The following PRKG2 variants were observed in gnomAD, a reference collection of about 807,000 sequenced individuals.
The protein encoded by PRKG2 is protein kinase cGMP-dependent 2, also known as cGMP-dependent protein kinase 2.
A neutral mutation model predicts 97.2 loss-of-function variants in PRKG2; 33 were observed. The ratio of observed to expected loss-of-function variants is 0.34; its 90% confidence interval spans 0.26 to 0.45. The LOEUF is 0.45. PRKG2 is among the 20% of genes least tolerant of loss of function. The pLI, the probability that PRKG2 is intolerant of heterozygous loss-of-function variation, is 1.00. For synonymous variants in PRKG2, 330 were observed against 321.8 expected (o/e 1.03, Z -0.27); for missense variants, 638 against 900.0 (o/e 0.71, Z 3.73).
At chr4:81,160,814 G>A (rs1749541954) in intron 6 of PRKG2, among the ~76,000 whole-genome samples, 1 of 151,910 alleles carries the variant, frequency 6.6e-6, no homozygotes, top group Non-Finnish European at 1.5e-5. Flanking sequence ...TCTTGAGGAG[G>A]GAAAAGTAAT....
chr4:81,171,579 A>G lies in PRKG2; in HGVS notation c.742+112T>C, dbSNP rs550209010. 1.7e-5 allele frequency: 12 copies of G among 715,404 alleles called. No individual in the cohort carries two copies. The South Asian group carries it at 3.3e-4, about 20-fold the overall frequency. The allele number at this position is 715,404 out of a possible 1,614,324, so 44.3% of individuals were successfully genotyped here. ...GGCATAGCATTTCTATTATAAGAACATATAGGGTAAAATGGGAAACAGACT... is the reference window on the plus strand; with the variant it reads ...GGCATAGCATTTCTATTATAAGAACGTATAGGGTAAAATGGGAAACAGACT... On this transcript the variant is annotated intron_variant, in intron 4 of 18. Transcript: ENST00000264399.
At chr4:81,131,072 C>T (rs565758615) in intron 14 of PRKG2, among the ~76,000 whole-genome samples, 10 of 152,162 alleles carry the variant, frequency 6.6e-5, no homozygotes, top group Admixed American at 4.6e-4. Flanking sequence ...TCTGCCCAAA[C>T]GGCCACCCAG....
intron 14 of PRKG2, among the ~76,000 whole-genome samples, chr4:81,129,481 G>A (rs1030894787): frequency 1.3e-5 from 2 of 152,062 alleles, no homozygotes; most frequent in Admixed American, 6.6e-5. Flanking sequence ...TCTCTTTGTA[G>A]GTCTGTAAGA....
At position 81,087,799 on chromosome 4, in the gene PRKG2, G is replaced by T. The variant is rs554840879; in HGVS notation, c.*1909C>A. The T allele has an allele frequency of 6.6e-6, 1 of 152,040 alleles. No individual in the cohort carries two copies. Among genetic ancestry groups the T allele is most frequent in the Non-Finnish European group, 1.5e-5 (1 of 67,966 alleles). The allele number at this position is 152,040 out of a possible 1,614,324, so 9.4% of individuals were successfully genotyped here. A position where few individuals can be genotyped will look rare whatever the true frequency, so the allele number is the denominator to read the frequency against. ...GGAAACAATAAAAAATCACATGGGA[G>T]GATAACACATTGACATGGTCAATCA... On this transcript the variant is annotated 3_prime_UTR_variant, in exon 19 of 19. Transcript: ENST00000264399.
At chr4:81,137,083 A>G (rs931275644) in intron 13 of PRKG2, among the ~76,000 whole-genome samples, 3 of 144,730 alleles carry the variant, frequency 2.1e-5, no homozygotes, top group Admixed American at 1.4e-4. Flanking sequence ...TGCTTCTGCT[A>G]GGAGATTTGG....
rs78038236 is a variant in PRKG2 at position 81,191,123 on chromosome 4, T to TACAC, written c.461+13460_461+13463dup. 3.9e-5 allele frequency among the ~76,000 whole-genome samples: 6 copies of TACAC among 151,952 alleles called. No homozygotes were observed. The East Asian group carries it at 7.7e-4, about 20-fold the overall frequency. ...ATTATAAATCATTCTACTATAAAGA[T>TACAC]ACACACACACGTATGTTTATTGCAG... On this transcript the variant is annotated intron_variant, in intron 2 of 18. Transcript: ENST00000264399.
chr4:81,164,474 C>T (rs1422589504), intron 6 of PRKG2, among the ~76,000 whole-genome samples: 2 of 151,850 alleles, frequency 1.3e-5, no homozygotes, highest in African/African-American at 2.4e-5. Flanking sequence ...CTGGTTTATG[C>T]GAGTGTTGGT....
chr4:81,160,693 A>G (rs899028911), intron 6 of PRKG2, among the ~76,000 whole-genome samples: 2 of 152,180 alleles, frequency 1.3e-5, no homozygotes, highest in African/African-American at 4.8e-5. Context: ...TTTTATGTGT[A>G]AATTCTATTA....
chr4:81,121,206 T>C (rs755420455), intron 14 of PRKG2, among the ~76,000 whole-genome samples: 50 of 152,188 alleles, frequency 3.3e-4, no homozygotes, highest in Non-Finnish European at 6.3e-4. Flanking sequence ...AATATTTTGC[T>C]GGGAGCTTCT....
chr4:81,094,398 A>G (rs1160116585), intron 17 of PRKG2, among the ~76,000 whole-genome samples: 2 of 136,134 alleles, frequency 1.5e-5, no homozygotes, highest in African/African-American at 7.1e-5. Context: ...CTGATGCCAA[A>G]CTTTAGAAGA....
Position 81,204,953 on chromosome 4 carries a change from T to C in PRKG2, c.95A>G (p.Glu32Gly). ...CTTCCTCCTCAACTCTCTCTCCAGC[T>C]CTGTCACCTTGTTCCGCAGAGCATC... is the stretch of plus-strand genomic sequence containing the variant. ...TTDALRNKVT[E>G]LERELRRKDA... is the part of the protein sequence containing the mutation. Residue 32 changes from glutamate (E) to glycine (G), a missense_variant, in exon 2 of 19, where the codon GAG becomes GGG. Transcript: ENST00000264399. The C allele has an allele frequency of 6.2e-7, 1 of 1,614,134 alleles. No homozygotes were observed. Among genetic ancestry groups the C allele is most frequent in the Non-Finnish European group, 8.5e-7 (1 of 1,180,024 alleles).
chr4:81,166,661 GCTT>G (rs1750013914), intron 6 of PRKG2, among the ~76,000 whole-genome samples: 1 of 152,174 alleles, frequency 6.6e-6, no homozygotes, highest in East Asian at 1.9e-4. Context: ...TAGATAAAGT[GCTT>G]CTTAAATACA....
At chr4:81,215,895 T>C (rs1484886976), upstream of PRKG2, among the ~76,000 whole-genome samples, 3 of 151,948 alleles carry the variant, frequency 2.0e-5, no homozygotes, top group East Asian at 3.9e-4. Flanking sequence ...CATTTTTTTT[T>C]CCTGAAGGGT....
chr4:81,120,935 T>C (rs1285809832), intron 14 of PRKG2, among the ~76,000 whole-genome samples: 1 of 152,238 alleles, frequency 6.6e-6, no homozygotes. Flanking sequence ...AGGCTTTTTG[T>C]AGATATTCTT....
At chr4:81,116,490 T>C (rs1744539724) in intron 14 of PRKG2, among the ~76,000 whole-genome samples, 1 of 152,184 alleles carries the variant, frequency 6.6e-6, no homozygotes, top group South Asian at 2.1e-4. Flanking sequence ...TGAACATATG[T>C]GTGCATGTGT....
chr4:81,206,153 T>G (rs1194658179), intron 1 of PRKG2, among the ~76,000 whole-genome samples: 1 of 152,220 alleles, frequency 6.6e-6, no homozygotes, highest in Non-Finnish European at 1.5e-5. Context: ...CTTGAATGTG[T>G]GAACTTTGGG....
Position 81,089,469 on chromosome 4 carries a change from C to T in PRKG2, c.*239G>A, listed in dbSNP as rs2109932979. 2.7e-6 allele frequency: 1 copy of T among 372,478 alleles called. No homozygotes were observed. Among genetic ancestry groups the T allele is most frequent in the East Asian group, 4.3e-5 (1 of 23,374 alleles). The allele number at this position is 372,478 out of a possible 1,614,324, so 23.1% of individuals were successfully genotyped here. A position where few individuals can be genotyped will look rare whatever the true frequency, so the allele number is the denominator to read the frequency against. ...GATTGTGGAAAGGAAAATGGGGTAGCCTCTAGCAGTTGAGAAAAGCAAATA... is the reference window on the plus strand; with the variant it reads ...GATTGTGGAAAGGAAAATGGGGTAGTCTCTAGCAGTTGAGAAAAGCAAATA... On this transcript the variant is annotated 3_prime_UTR_variant, in exon 19 of 19. Transcript: ENST00000264399.
chr4:81,122,700 T>G (rs1488076001), intron 14 of PRKG2, among the ~76,000 whole-genome samples: 1 of 152,186 alleles, frequency 6.6e-6, no homozygotes, highest in African/African-American at 2.4e-5. Flanking sequence ...CTTAGGTATC[T>G]GACCCCTCAT....
At chr4:81,142,735 A>G in intron 11 of PRKG2, 59 bp downstream of exon 11, 3 of 1,463,510 alleles carry the variant, frequency 2.0e-6, no homozygotes, top group East Asian at 2.3e-5. Flanking sequence ...ATGCTGGAAT[A>G]TAAAACAAAA....
Sources: gnomAD v4.1 joint callset for allele counts (sites outside exome capture counted in the v4.1 genomes callset) on GRCh38, gnomAD v4.1.1 for gene constraint, MANE v1.5 for transcripts, NCBI Gene and HGNC (gene_info 2026-07-23, HGNC 2026-07-21) for gene names.